Variants in TXNRD1 observed in about 807,000 individuals in gnomAD.
TXNRD1 encodes the protein thioredoxin reductase 1, cytoplasmic.
TXNRD1 carries 57 observed loss-of-function variants against 80.3 expected under a neutral mutation model. The ratio of observed to expected loss-of-function variants is 0.71; its 90% CI spans 0.57 to 0.89. The LOEUF is 0.89. Ranked by LOEUF, TXNRD1 falls within the 40% of genes least tolerant of loss-of-function variation. TXNRD1 has a pLI of 0.00. For missense variants in TXNRD1, 730 were observed against 803.0 expected (o/e 0.91, Z 1.10); for synonymous variants, 291 against 285.2 (o/e 1.02, Z -0.20).
At chr12:104,346,188 T>C (rs1024265153) in intron 16 of TXNRD1, 24 of 302,388 alleles carry the variant, frequency 7.9e-5, no homozygotes, top group African/African-American at 3.7e-4. Flanking sequence ...AATATATATA[T>C]ATATATTTGA....
intron 3 of TXNRD1, among the ~76,000 whole-genome samples, chr12:104,271,729 C>T (rs1593734793): frequency 6.6e-6 from 1 of 152,048 alleles, no homozygotes; most frequent in Admixed American, 6.6e-5. Flanking sequence ...TTCAGGCCAT[C>T]TGGATGTATA....
At chr12:104,336,678 T>G (rs1264758749) in intron 15 of TXNRD1, among the ~76,000 whole-genome samples, 4 of 152,226 alleles carry the variant, frequency 2.6e-5, no homozygotes, top group Non-Finnish European at 5.9e-5. Flanking sequence ...TTATAAGAGA[T>G]AAACCATCAT....
At chr12:104,307,320 G>T (rs367665052) in intron 4 of TXNRD1, among the ~76,000 whole-genome samples, 1 of 152,148 alleles carries the variant, frequency 6.6e-6, no homozygotes, top group Non-Finnish European at 1.5e-5. Context: ...TAGGAAGAGG[G>T]CATTTCAAAA....
chr12:104,309,476 A>G (rs1354482046), intron 4 of TXNRD1, among the ~76,000 whole-genome samples: 2 of 152,184 alleles, frequency 1.3e-5, no homozygotes, highest in East Asian at 3.8e-4. Context: ...TCTAGTAGGT[A>G]TGTTGGAGGA....
At chr12:104,268,608 T>C (rs963573232) in intron 3 of TXNRD1, among the ~76,000 whole-genome samples, 2 of 151,988 alleles carry the variant, frequency 1.3e-5, no homozygotes, top group African/African-American at 2.4e-5. Flanking sequence ...AAACTCTGCC[T>C]CCCAGGTTCA....
chr12:104,260,806 C>A (rs1411071336), intron 3 of TXNRD1, among the ~76,000 whole-genome samples: 1 of 152,118 alleles, frequency 6.6e-6, no homozygotes, highest in African/African-American at 2.4e-5. Context: ...CCAAACGGAA[C>A]AATAACCAAA....
At chr12:104,299,263 A>T (rs2034535684) in intron 4 of TXNRD1, among the ~76,000 whole-genome samples, 1 of 152,114 alleles carries the variant, frequency 6.6e-6, no homozygotes, top group South Asian at 2.1e-4. Flanking sequence ...GGAGGCTGAG[A>T]GGTTAAGCAA....
At chr12:104,286,953 G>A in intron 3 of TXNRD1, 1 of 1,217,640 alleles carries the variant, frequency 8.2e-7, no homozygotes, top group Non-Finnish European at 1.0e-6. Context: ...GACTCTGGCA[G>A]TTAGCCCGCC....
At chr12:104,266,831 G>A (rs990738119) in intron 3 of TXNRD1, among the ~76,000 whole-genome samples, 6 of 152,038 alleles carry the variant, frequency 3.9e-5, no homozygotes, top group Non-Finnish European at 7.4e-5. Flanking sequence ...GCGTGTTGGC[G>A]GGCACCTGTA....
Position 104,331,620 on chromosome 12 carries a change from GT to G in TXNRD1, c.1632del (p.Phe544LeufsTer32), listed in dbSNP as rs746761992. 1 of 1,611,838 alleles carries G rather than the reference GT, an allele frequency of 6.2e-7. No individual in the cohort carries two copies. The highest frequency in any genetic ancestry group is 8.5e-7 in the Non-Finnish European group (1 of 1,178,578). Reference sequence around the variant, plus strand: ...TTTCTGAGGAGAAAGCTGTGGAGAAGTTTGGGGAAGAAAATATTGAGGTAAG... The same window carrying G: ...TTTCTGAGGAGAAAGCTGTGGAGAAGTTGGGGAAGAAAATATTGAGGTAAG... ...GLSEEKAVEK[F>X]GEENIEVYHS... On this transcript the variant is annotated frameshift_variant, in exon 14 of 17. Coordinates refer to ENST00000525566, the MANE Select transcript of TXNRD1 (RefSeq NM_001093771.3). LOFTEE classifies it high-confidence loss of function.
chr12:104,249,743 G>A (rs952717873), intron 1 of TXNRD1, among the ~76,000 whole-genome samples: 2 of 151,932 alleles, frequency 1.3e-5, no homozygotes, highest in African/African-American at 4.8e-5. Flanking sequence ...AGACCATCCT[G>A]GCTAACATGG....
intron 3 of TXNRD1, among the ~76,000 whole-genome samples, chr12:104,266,453 G>C (rs554061039): frequency 6.8e-4 from 103 of 151,496 alleles, no homozygotes; most frequent in Middle Eastern, 3.4e-3. Context: ...TTGAACCCGG[G>C]AGGTGGAGGT....
chr12:104,289,983 G>A (rs2034122012), intron 4 of TXNRD1, among the ~76,000 whole-genome samples: 1 of 152,206 alleles, frequency 6.6e-6, no homozygotes, highest in Admixed American at 6.5e-5. Context: ...GGACACCTGG[G>A]TGATGTTCTA....
At chr12:104,266,532 A>AAC (rs2135718275) in intron 3 of TXNRD1, among the ~76,000 whole-genome samples, 1 of 151,364 alleles carries the variant, frequency 6.6e-6, no homozygotes, top group Admixed American at 6.6e-5. Flanking sequence ...CTCAAAAAAA[A>AAC]AAAAAAAAAA....
At chr12:104,258,182 A>G in intron 3 of TXNRD1, 103 bp downstream of exon 3, 2 of 855,826 alleles carry the variant, frequency 2.3e-6, no homozygotes, top group South Asian at 3.3e-5. Context: ...TTTATTGTTT[A>G]GTGAGCACTT....
chr12:104,261,451 C>G (rs1160528483), intron 3 of TXNRD1, among the ~76,000 whole-genome samples: 1 of 152,174 alleles, frequency 6.6e-6, no homozygotes, highest in Non-Finnish European at 1.5e-5. Context: ...GCGTGAGCCA[C>G]CATGCCCGTC....
At chr12:104,338,878 G>A (rs955519294) in intron 15 of TXNRD1, among the ~76,000 whole-genome samples, 4 of 151,792 alleles carry the variant, frequency 2.6e-5, no homozygotes, top group Non-Finnish European at 5.9e-5. Context: ...CACCACGCCC[G>A]GCTAATTTTT....
chr12:104,329,453 G>A (rs1381677907), intron 13 of TXNRD1, among the ~76,000 whole-genome samples: 4 of 152,002 alleles, frequency 2.6e-5, no homozygotes. Context: ...TTCGAAACCA[G>A]CCTGGGCAAC....
chr12:104,233,721 C>T (rs998155707), intron 1 of TXNRD1, among the ~76,000 whole-genome samples: 1 of 152,068 alleles, frequency 6.6e-6, no homozygotes, highest in African/African-American at 2.4e-5. Context: ...GGGGTTTCAC[C>T]ATTTTGGCCA....
Sources: allele counts gnomAD v4.1 joint callset (sites outside exome capture counted in the v4.1 genomes callset), GRCh38; gene constraint gnomAD v4.1.1; transcripts MANE v1.5; gene names NCBI Gene and HGNC (gene_info 2026-07-23, HGNC 2026-07-21).